CNIH3: variants seen among roughly 807,000 people sequenced by gnomAD.
The protein encoded by CNIH3 is cornichon family AMPA receptor auxiliary protein 3, also known as protein cornichon homolog 3.
In CNIH3, 14 loss-of-function variants were observed where a neutral mutation model predicts 24.1. The observed-to-expected ratio is 0.58, with a 90% CI of 0.38 to 0.91. CNIH3 has a LOEUF of 0.91. CNIH3 is among the 40% of genes least tolerant of loss of function. The pLI is 0.00. For missense variants in CNIH3, 178 were observed against 196.8 expected (o/e 0.90, Z 0.57); for synonymous variants, 68 against 73.8 (o/e 0.92, Z 0.40).
rs182064041 is a variant in CNIH3 at position 224,461,688 on chromosome 1, A to T, written n.203+26826A>T. Among the ~76,000 whole-genome samples, 9 of 152,324 alleles carry T rather than the reference A, an allele frequency of 5.9e-5. No homozygotes were observed. The East Asian group carries it at 1.7e-3, about 29-fold the overall frequency. On this transcript the variant is annotated intron_variant and non_coding_transcript_variant, in intron 1 of 5. Transcript: ENST00000471578. ...AATTCACCCATTTAAAATGGACACA[A>T]TTCATTGGTTTTTAGTAGATTAACA...
chr1:224,662,970 A>T (rs1296566093), intron 1 of CNIH3, among the ~76,000 whole-genome samples: 1 of 152,198 alleles, frequency 6.6e-6, no homozygotes, highest in Non-Finnish European at 1.5e-5. Flanking sequence ...CTAGGGCCAG[A>T]CAGCACCACA....
At chr1:224,723,528 C>T (rs1688852804) in intron 3 of CNIH3, among the ~76,000 whole-genome samples, 1 of 152,168 alleles carries the variant, frequency 6.6e-6, no homozygotes, top group African/African-American at 2.4e-5. Flanking sequence ...AGAGAAAGCC[C>T]CTCTGGGGCT....
At chr1:224,583,987 T>C (rs1402314058) in intron 5 of CNIH3, among the ~76,000 whole-genome samples, 1 of 152,204 alleles carries the variant, frequency 6.6e-6, no homozygotes, top group African/African-American at 2.4e-5. Flanking sequence ...TTTTCCACAT[T>C]AGCATAGCTA....
Position 224,482,625 on chromosome 1 carries a change from G to A in CNIH3, n.204-33116G>A, listed in dbSNP as rs138380760. Among the ~76,000 whole-genome samples the A allele has an allele frequency of 3.8e-3, 577 of 151,940 alleles. 3 individuals are homozygous for A. Among genetic ancestry groups the A allele is most frequent in the Non-Finnish European group, 5.4e-3 (367 of 67,974 alleles). ...GCTCATATCCAAGTTGCAAAACAAA[G>A]TCTTCTTTACTCTTTCCTCTCCTCT... On this transcript the variant is annotated intron_variant and non_coding_transcript_variant, in intron 1 of 5. Transcript: ENST00000471578.
chr1:224,599,593 C>A lies in CNIH3; in HGVS notation n.402+33329C>A, dbSNP rs546674934. On this transcript the variant is annotated intron_variant and non_coding_transcript_variant, in intron 3 of 7. Transcript: ENST00000478120. Reference sequence around the variant, plus strand: ...AGTTCATAATTTATTTGATCACAATCATTTTGCATAATTTATTAGATATTC... The same window carrying A: ...AGTTCATAATTTATTTGATCACAATAATTTTGCATAATTTATTAGATATTC... 2.2e-3 allele frequency among the ~76,000 whole-genome samples: 330 copies of A among 151,766 alleles called. 2 individuals carry two copies. The highest frequency in any genetic ancestry group is 7.1e-3 in the African/African-American group (293 of 41,484).
At position 224,680,759 on chromosome 1, in the gene CNIH3, G is replaced by A. The variant is rs537106296; in HGVS notation, c.82-199G>A. On this transcript the variant is annotated intron_variant, in intron 1 of 5. Transcript: ENST00000272133. ...AAACTTACTGGGGACAATTTTAAGC[G>A]TACACAGTAGACAGAAGAATATAAT... 3.3e-5 allele frequency among the ~76,000 whole-genome samples: 5 copies of A among 152,274 alleles called. No individual in the cohort carries two copies. The East Asian group carries it at 5.8e-4, about 18-fold the overall frequency.
intron 1 of CNIH3, among the ~76,000 whole-genome samples, chr1:224,447,893 T>C (rs1485476822): frequency 1.3e-5 from 2 of 152,244 alleles, no homozygotes; most frequent in Admixed American, 6.5e-5. Flanking sequence ...ATAATAACAT[T>C]ATTATTGTTT....
chr1:224,512,539 C>T (rs1329163527), upstream of CNIH3, among the ~76,000 whole-genome samples: 1 of 152,014 alleles, frequency 6.6e-6, no homozygotes, highest in East Asian at 1.9e-4. Flanking sequence ...AGCCAGGTAC[C>T]CATCAACCAA....
At chr1:224,619,335 C>T (rs532312442) in intron 1 of CNIH3, among the ~76,000 whole-genome samples, 2 of 152,344 alleles carry the variant, frequency 1.3e-5, no homozygotes, top group Admixed American at 1.3e-4. Context: ...CAATGCTCAC[C>T]CCCTTATCGA....
chr1:224,698,044 G>T (rs1458897263), intron 3 of CNIH3, among the ~76,000 whole-genome samples: 2 of 152,208 alleles, frequency 1.3e-5, no homozygotes, highest in African/African-American at 4.8e-5. Flanking sequence ...ACTTCTATGG[G>T]ACTTGTTATT....
intron 4 of CNIH3, among the ~76,000 whole-genome samples, chr1:224,578,050 T>C (rs2125010148): frequency 6.6e-6 from 1 of 152,160 alleles, no homozygotes; most frequent in East Asian, 1.9e-4. Flanking sequence ...GATAAAAAAC[T>C]GCATATTGGG....
chr1:224,681,699 T>A (rs897808836), intron 2 of CNIH3, among the ~76,000 whole-genome samples: 6 of 152,170 alleles, frequency 3.9e-5, no homozygotes, highest in Admixed American at 3.9e-4. Flanking sequence ...TCTGAATGGA[T>A]GCTGGGTGGG....
downstream of CNIH3, among the ~76,000 whole-genome samples, chr1:224,592,330 A>G (rs906709422): frequency 3.3e-5 from 5 of 152,078 alleles, no homozygotes; most frequent in Non-Finnish European, 7.3e-5. Flanking sequence ...AGCAGAACTC[A>G]GTGAGCAGAG....
intron 1 of CNIH3, among the ~76,000 whole-genome samples, chr1:224,475,716 A>G (rs1046509607): frequency 2.0e-5 from 3 of 152,218 alleles, no homozygotes; most frequent in African/African-American, 4.8e-5. Flanking sequence ...AAGAGGGAAT[A>G]CTTGTAAACC....
intron 1 of CNIH3, among the ~76,000 whole-genome samples, chr1:224,477,307 C>G (rs115497958): frequency 6.6e-6 from 1 of 152,194 alleles, no homozygotes; most frequent in Non-Finnish European, 1.5e-5. Flanking sequence ...CTGAGTGGGA[C>G]GCGCAAGCTA....
At chr1:224,603,396 C>T (rs1682287721) in intron 3 of CNIH3, among the ~76,000 whole-genome samples, 1 of 152,194 alleles carries the variant, frequency 6.6e-6, no homozygotes, top group African/African-American at 2.4e-5. Context: ...CAGTGATTAA[C>T]CTTTGTTCTT....
At chr1:224,497,801 G>A (rs1366684558) in intron 1 of CNIH3, among the ~76,000 whole-genome samples, 3 of 152,162 alleles carry the variant, frequency 2.0e-5, no homozygotes, top group Non-Finnish European at 4.4e-5. Context: ...AGTGAAGCCC[G>A]GATCTGGGCA....
At position 224,672,990 on chromosome 1, in the gene CNIH3, C is replaced by T. The variant is rs554180905; in HGVS notation, c.82-7968C>T. Among the ~76,000 whole-genome samples, 9 of 152,260 alleles carry T rather than the reference C, an allele frequency of 5.9e-5. No individual in the cohort carries two copies. In the South Asian group the frequency reaches 1.5e-3, roughly 25 times the overall value. On this transcript the variant is annotated intron_variant, in intron 1 of 5. Coordinates refer to ENST00000272133, the MANE Select transcript of CNIH3 (RefSeq NM_152495.2). ...GAGGGGTTAACCCAAATCTGTCCTC[C>T]GAGTCCCTGGGTATGACTTGCTAGG...
intron 1 of CNIH3, 147 bp downstream of exon 1, chr1:224,617,402 C>A (rs950313191): frequency 2.2e-6 from 2 of 900,642 alleles, no homozygotes; most frequent in Admixed American, 2.6e-5. Flanking sequence ...GGAGGCAGTT[C>A]GCTGCATCCC....
Sources: gnomAD v4.1 joint callset for allele counts (sites outside exome capture counted in the v4.1 genomes callset) on GRCh38, gnomAD v4.1.1 for gene constraint, MANE v1.5 for transcripts, NCBI Gene and HGNC (gene_info 2026-07-23, HGNC 2026-07-21) for gene names.